The following ZC4H2 variants were observed in gnomAD, a reference collection of about 807,000 sequenced individuals.
ZC4H2 encodes zinc finger C4H2-type containing, also known as zinc finger C4H2 domain-containing protein.
For synonymous variants in ZC4H2, 84 were observed against 66.3 expected (o/e 1.27, Z -1.30); for missense variants, 137 against 173.9 (o/e 0.79, Z 1.19).
chrX:64,931,654 A>G (rs1241647997), intron 1 of ZC4H2, among the ~76,000 whole-genome samples: 1 of 111,380 alleles, frequency 9.0e-6, no homozygotes, highest in Non-Finnish European at 1.9e-5. Context: ...ATGTATTTCT[A>G]TAGTTTTGAG....
chrX:64,919,901 G>C (rs1929107143), intron 3 of ZC4H2, 180 bp downstream of exon 3: 1 of 404,216 alleles, frequency 2.5e-6, no homozygotes, highest in East Asian at 4.1e-5. Context: ...AGCTGGCACA[G>C]AGACTTGCCC....
intron 1 of ZC4H2, among the ~76,000 whole-genome samples, chrX:64,952,454 A>G (rs1202148123): frequency 9.0e-6 from 1 of 110,802 alleles, no homozygotes; most frequent in Non-Finnish European, 1.9e-5. Flanking sequence ...CAAGCTGATA[A>G]GCAACTTCAG....
At chrX:64,959,454 T>C (rs1220496510) in intron 1 of ZC4H2, among the ~76,000 whole-genome samples, 3 of 102,646 alleles carry the variant, frequency 2.9e-5, no homozygotes, top group Non-Finnish European at 5.9e-5. Context: ...TAAGAAAAAA[T>C]GCTACCAATT....
At chrX:64,938,916 T>C (rs1337598620) in intron 1 of ZC4H2, among the ~76,000 whole-genome samples, 1 of 112,010 alleles carries the variant, frequency 8.9e-6, no homozygotes, top group Non-Finnish European at 1.9e-5. Context: ...CTATTCCACA[T>C]AGTATTGGAA....
rs766796286 is a variant in ZC4H2 at position 64,932,385 on chromosome X, A to G, written c.54-10397T>C. Among the ~76,000 whole-genome samples, 3 of 111,421 alleles carry G rather than the reference A, an allele frequency of 2.7e-5. No homozygotes were observed. The South Asian group carries it at 1.1e-3, about 41-fold the overall frequency. ...CGATGTTAGTATTGAAATGTGAGGT[A>G]CTGTTGTACTTATCATGTAGTTGTT... On this transcript the variant is annotated intron_variant, in intron 1 of 4. Coordinates refer to ENST00000374839, the MANE Select transcript of ZC4H2 (RefSeq NM_018684.4).
At chrX:65,000,000 G>A (rs754431594) in intron 1 of ZC4H2, among the ~76,000 whole-genome samples, 8 of 112,156 alleles carry the variant, frequency 7.1e-5, no homozygotes, top group South Asian at 3.8e-4. Context: ...GGGAAGGGGC[G>A]GTTGTGGGCA....
At chrX:64,919,740 C>T (rs938337368) in intron 3 of ZC4H2, 1 of 191,467 alleles carries the variant, frequency 5.2e-6, no homozygotes, top group African/African-American at 2.9e-5. Flanking sequence ...ATATCGCCTT[C>T]TAGACCCTGA....
chrX:65,003,648 T>C (rs1293204417), intron 1 of ZC4H2, among the ~76,000 whole-genome samples: 1 of 110,207 alleles, frequency 9.1e-6, no homozygotes, highest in Admixed American at 9.6e-5. Context: ...GAGGCTGAAA[T>C]GGGCGAATCC....
chrX:64,919,605 G>A (rs1000292495), intron 3 of ZC4H2: 12 of 140,456 alleles, frequency 8.5e-5, no homozygotes, highest in Non-Finnish European at 1.5e-4. Flanking sequence ...CCTCTACCAG[G>A]TCAAATTCTG....
chrX:64,955,151 C>A (rs940229073), intron 1 of ZC4H2, among the ~76,000 whole-genome samples: 4 of 111,596 alleles, frequency 3.6e-5, no homozygotes, highest in East Asian at 2.8e-4. Context: ...AGTTTATGAA[C>A]AATATTTGGT....
At chrX:65,023,207 T>C (rs1195997904) in intron 1 of ZC4H2, among the ~76,000 whole-genome samples, 1 of 111,956 alleles carries the variant, frequency 8.9e-6, no homozygotes, top group Non-Finnish European at 1.9e-5. Context: ...AAGTCAATGG[T>C]AGTCCTGAGA....
chrX:64,948,605 C>A (rs1306061802), intron 1 of ZC4H2, among the ~76,000 whole-genome samples: 1 of 111,784 alleles, frequency 8.9e-6, no homozygotes, highest in Non-Finnish European at 1.9e-5. Flanking sequence ...ATGAAAGAGT[C>A]ACACCTTATC....
chrX:64,919,367 A>G (rs1271359784), intron 3 of ZC4H2, 163 bp from the exon 4 acceptor site: 1 of 509,968 alleles, frequency 2.0e-6, no homozygotes, highest in Non-Finnish European at 3.1e-6. Flanking sequence ...TACTAGGCCC[A>G]ATGTCTGATG....
chrX:65,033,332 TCA>T (rs771772780), intron 1 of ZC4H2, among the ~76,000 whole-genome samples: 8 of 112,286 alleles, frequency 7.1e-5, no homozygotes, highest in Non-Finnish European at 1.1e-4. Flanking sequence ...ATGTCAATTC[TCA>T]GTGTCAATAT....
At chrX:65,024,112 G>C (rs926098012) in intron 1 of ZC4H2, among the ~76,000 whole-genome samples, 1 of 109,928 alleles carries the variant, frequency 9.1e-6, no homozygotes, top group Non-Finnish European at 1.9e-5. Flanking sequence ...ATCGGCGGGT[G>C]GGGGGGCACT....
At chrX:64,966,736 T>C (rs1199738559) in intron 1 of ZC4H2, among the ~76,000 whole-genome samples, 5 of 111,899 alleles carry the variant, frequency 4.5e-5, no homozygotes, top group Non-Finnish European at 9.4e-5. Context: ...ATATGCAGCA[T>C]CAAGAAAAAG....
intron 1 of ZC4H2, among the ~76,000 whole-genome samples, chrX:64,984,292 G>A (rs752249581): frequency 8.9e-6 from 1 of 112,090 alleles, no homozygotes; most frequent in East Asian, 2.8e-4. Context: ...GAGAACAGAA[G>A]GTTTTCACAA....
intron 1 of ZC4H2, among the ~76,000 whole-genome samples, chrX:64,941,416 C>T (rs1930276169): frequency 8.9e-6 from 1 of 111,878 alleles, no homozygotes; most frequent in African/African-American, 3.2e-5. Flanking sequence ...CTGGCCAGAA[C>T]TTCCAATACT....
intron 1 of ZC4H2, among the ~76,000 whole-genome samples, chrX:64,948,624 T>A (rs1930651823): frequency 1.8e-5 from 2 of 112,301 alleles, no homozygotes; most frequent in South Asian, 3.7e-4. Context: ...TCTGTACTTC[T>A]GTCTGATTTC....
Sources: allele counts gnomAD v4.1 joint callset (sites outside exome capture counted in the v4.1 genomes callset), GRCh38; gene constraint gnomAD v4.1.1; transcripts MANE v1.5; gene names NCBI Gene and HGNC (gene_info 2026-07-23, HGNC 2026-07-21).